Variants in YPEL2 observed in about 807,000 individuals in gnomAD.
The protein encoded by YPEL2 is protein yippee-like 2.
In YPEL2, 2 loss-of-function variants were observed where a neutral mutation model predicts 19.1. The observed-to-expected ratio is 0.10, with a 90% CI of 0.04 to 0.33. The LOEUF is 0.33. Ranked by LOEUF, YPEL2 falls within the 10% of genes least tolerant of loss-of-function variation. YPEL2 has a pLI of 1.00. For missense variants in YPEL2, 66 were observed against 140.7 expected, an observed-to-expected ratio of 0.47 and a Z score of 2.68; for synonymous variants, 52 against 50.0, an observed-to-expected ratio of 1.04 and a Z score of -0.17.
intron 4 of YPEL2, among the ~76,000 whole-genome samples, chr17:59,393,364 G>A (rs1013170390): frequency 9.3e-5 from 14 of 150,728 alleles, no homozygotes; most frequent in African/African-American, 3.4e-4. Context: ...TCTCAAACCG[G>A]CCTCAAGCAG....
In YPEL2 at chr17:59,353,451, G is replaced by A. The variant is rs368550034; in HGVS notation, c.42G>A (p.Leu14=). ...MTRSKTFQAY[L]PSCHRTYSCI... ...GATCGAAGACTTTCCAGGCATATCT[G>A]CCCTCCTGCCACCGGACCTACAGCT... Residue 14 remains leucine, a synonymous_variant, in exon 2 of 5, where the codon CTG becomes CTA. Transcript: ENST00000312655. This position sits in a 1 kb window ranked among gnomAD's most constrained non-coding sequence, Gnocchi z 4.8. The A allele has an allele frequency of 4.3e-6, 7 of 1,611,184 alleles. No individual in the cohort carries two copies. Among genetic ancestry groups the A allele is most frequent in the Middle Eastern group, 1.6e-4 (1 of 6,070 alleles).
chr17:59,397,103 A>G lies in YPEL2; in HGVS notation c.273A>G (p.Glu91=), dbSNP rs1409980108. 3 of 1,608,918 alleles carry G rather than the reference A, an allele frequency of 1.9e-6. No homozygotes were observed. In the East Asian group the frequency reaches 6.7e-5, roughly 36 times the overall value. Residue 91 remains glutamate (E), a splice_region_variant and synonymous_variant, in exon 5 of 5, where the codon GAA becomes GAG. Transcript: ENST00000312655. ...NCKTTLGWKY[E]HAFESSQKYK... Reference sequence around the variant, plus strand: ...TTCTCTGCTTCTGTATTTCCTAGGAACATGCTTTTGAAAGCAGCCAGAAAT... The same window carrying G: ...TTCTCTGCTTCTGTATTTCCTAGGAGCATGCTTTTGAAAGCAGCCAGAAAT...
chr17:59,349,346 G>A (rs1428942911), intron 1 of YPEL2, among the ~76,000 whole-genome samples: 2 of 149,658 alleles, frequency 1.3e-5, no homozygotes, highest in Non-Finnish European at 1.5e-5. Flanking sequence ...TCAGCCCACA[G>A]GCCTTTTTTT....
chr17:59,343,669 G>C (rs2047742504), intron 1 of YPEL2, among the ~76,000 whole-genome samples: 1 of 152,182 alleles, frequency 6.6e-6, no homozygotes, highest in South Asian at 2.1e-4. Flanking sequence ...GTAGGAAACA[G>C]GTTTGGAGTA....
chr17:59,380,020 C>T lies in YPEL2; in HGVS notation c.118-8307C>T, dbSNP rs537305265. ...GGATTACAGGCATGCATCACCACGC[C>T]CAGCTAATTTTTGTATTTTCAGTAG... is the stretch of plus-strand genomic sequence containing the variant. On this transcript the variant is annotated intron_variant, in intron 2 of 4. Coordinates refer to ENST00000312655, the MANE Select transcript of YPEL2 (RefSeq NM_001005404.4). Among the ~76,000 whole-genome samples, 3 of 151,696 alleles carry T rather than the reference C, an allele frequency of 2.0e-5. No individual in the cohort carries two copies. The East Asian group carries it at 5.8e-4, about 30-fold the overall frequency.
intron 2 of YPEL2, among the ~76,000 whole-genome samples, chr17:59,384,447 T>TA (rs1222418048): frequency 1.3e-5 from 2 of 152,120 alleles, no homozygotes; most frequent in Non-Finnish European, 2.9e-5. Flanking sequence ...TCGTGTTTTT[T>TA]AAAAAAATAA....
At position 59,389,426 on chromosome 17, in the gene YPEL2, C is replaced by T; in HGVS notation, c.228C>T (p.Asp76=). The T allele has an allele frequency of 6.2e-7, 1 of 1,614,044 alleles. No homozygotes were observed. The highest frequency in any genetic ancestry group is 8.5e-7 in the Non-Finnish European group (1 of 1,180,010). Residue 76 remains aspartate, a synonymous_variant, in exon 4 of 5, where the codon GAC becomes GAT. Coordinates refer to ENST00000312655, the MANE Select transcript of YPEL2 (RefSeq NM_001005404.4). ...TAACAGGACTGCATGCAGTCGCAGA[C>T]ATTTACTGTGAAAACTGCAAAACCA... ...VLLTGLHAVA[D]IYCENCKTTL...
rs182871775 is a variant in YPEL2 at position 59,370,208 on chromosome 17, G to A, written c.117+16682G>A. 1.7e-3 allele frequency among the ~76,000 whole-genome samples: 261 copies of A among 152,138 alleles called. 1 individual carries two copies. Among genetic ancestry groups the A allele is most frequent in the African/African-American group, 5.6e-3 (232 of 41,494 alleles). The stretch of plus-strand genomic sequence containing the variant: ...CTCCTGAATAGCTGGGACTACAGGC[G>A]CCTGCCACCATGCCCGGCTAATTTT... On this transcript the variant is annotated intron_variant, in intron 2 of 4. Transcript: ENST00000312655.
chr17:59,364,554 G>A (rs1360683044), intron 2 of YPEL2, among the ~76,000 whole-genome samples: 1 of 151,648 alleles, frequency 6.6e-6, no homozygotes, highest in Non-Finnish European at 1.5e-5. Flanking sequence ...ATAACTCCGA[G>A]CCCAACCACC....
At chr17:59,376,657 G>A (rs545279027) in intron 2 of YPEL2, among the ~76,000 whole-genome samples, 24 of 152,142 alleles carry the variant, frequency 1.6e-4, no homozygotes, top group Non-Finnish European at 3.5e-4. Context: ...TTGAGTTACT[G>A]TTTGAATCCT....
At chr17:59,388,048 G>A (rs866398943) in intron 2 of YPEL2, among the ~76,000 whole-genome samples, 6 of 152,218 alleles carry the variant, frequency 3.9e-5, no homozygotes, top group Admixed American at 2.6e-4. Context: ...ATGTCAGGAG[G>A]GAAGAAGTTT....
chr17:59,393,462 CATTTT>C (rs973912336), intron 4 of YPEL2, among the ~76,000 whole-genome samples: 1 of 148,454 alleles, frequency 6.7e-6, no homozygotes, highest in African/African-American at 2.5e-5. Flanking sequence ...ATAGGAAACT[CATTTT>C]CTTTTTTTTT....
At position 59,400,192 on chromosome 17, in the gene YPEL2, G is replaced by C. The variant is rs930125246; in HGVS notation, c.*3002G>C. 6.6e-6 allele frequency: 1 copy of C among 152,608 alleles called. No individual in the cohort carries two copies. The highest frequency in any genetic ancestry group is 1.5e-5 in the Non-Finnish European group (1 of 68,032). 9.5% of individuals were successfully genotyped at this position (152,608 alleles called of 1,614,324 possible). On this transcript the variant is annotated 3_prime_UTR_variant, in exon 5 of 5. Coordinates refer to ENST00000312655, the MANE Select transcript of YPEL2 (RefSeq NM_001005404.4). ...CAAGCTGTCAGCTGAACCTGACTGA[G>C]TGTTCTTCCTGAGTTCACGAGGATA...
chr17:59,386,918 G>C (rs752068029), intron 2 of YPEL2, among the ~76,000 whole-genome samples: 8 of 152,124 alleles, frequency 5.3e-5, no homozygotes, highest in South Asian at 2.1e-4. Flanking sequence ...TTTGAATGTT[G>C]GAGGCAACCA....
intron 2 of YPEL2, among the ~76,000 whole-genome samples, chr17:59,356,794 A>T (rs369223465): frequency 5.9e-5 from 9 of 152,338 alleles, no homozygotes; most frequent in African/African-American, 2.2e-4. Flanking sequence ...GTTCACAGAC[A>T]GCTTTTTCTT....
intron 2 of YPEL2, among the ~76,000 whole-genome samples, chr17:59,368,650 A>G (rs771726464): frequency 6.6e-6 from 1 of 152,194 alleles, no homozygotes; most frequent in Non-Finnish European, 1.5e-5. Flanking sequence ...GGGAAGACAG[A>G]TGGGGAGTCT....
chr17:59,350,242 G>A (rs964252365), intron 1 of YPEL2, among the ~76,000 whole-genome samples: 1 of 152,000 alleles, frequency 6.6e-6, no homozygotes, highest in African/African-American at 2.4e-5. Context: ...GGCTAAGTTT[G>A]AATTTTTTGT....
chr17:59,395,081 G>A (rs895925684), intron 4 of YPEL2, among the ~76,000 whole-genome samples: 10 of 150,768 alleles, frequency 6.6e-5, no homozygotes, highest in Non-Finnish European at 1.5e-4. Flanking sequence ...AGACCGTGGG[G>A]AGAGGGAGAG....
chr17:59,358,226 G>A (rs1225730064), intron 2 of YPEL2, among the ~76,000 whole-genome samples: 2 of 152,154 alleles, frequency 1.3e-5, no homozygotes, highest in Non-Finnish European at 2.9e-5. Flanking sequence ...TTCTGAGGTT[G>A]GGAGCATTTA....
Sources: allele counts gnomAD v4.1 joint callset (sites outside exome capture counted in the v4.1 genomes callset), GRCh38; gene constraint gnomAD v4.1.1; non-coding constraint Gnocchi (gnomAD v3.1); transcripts MANE v1.5; gene names NCBI Gene and HGNC (gene_info 2026-07-23, HGNC 2026-07-21).